Variants in NPFFR2 observed in about 807,000 individuals in gnomAD.
The protein encoded by NPFFR2 is neuropeptide FF receptor 2, also known as G-protein coupled receptor 74.
NPFFR2 carries 15 observed loss-of-function variants against 13.1 expected under a neutral mutation model. The ratio of observed to expected loss-of-function variants is 1.15; its 90% CI spans 0.77 to 1.76. The LOEUF (loss-of-function observed/expected upper bound fraction) is 1.76, where lower values mean the gene tolerates loss of function less well. Ranked by LOEUF, NPFFR2 falls within the 40% of genes most tolerant of loss-of-function variation. The pLI is 0.00. For missense variants in NPFFR2, 572 were observed against 503.5 expected (o/e 1.14, Z -1.30); for synonymous variants, 190 against 175.7 (o/e 1.08, Z -0.65).
At chr4:72,091,971 T>A (rs1578449302) in intron 1 of NPFFR2, among the ~76,000 whole-genome samples, 1 of 152,242 alleles carries the variant, frequency 6.6e-6, no homozygotes, top group Admixed American at 6.5e-5. Context: ...TGGAGGCATT[T>A]AATGGTATGA....
At chr4:72,083,692 T>G (rs1017913560) in intron 1 of NPFFR2, among the ~76,000 whole-genome samples, 1 of 152,146 alleles carries the variant, frequency 6.6e-6, no homozygotes, top group African/African-American at 2.4e-5. Flanking sequence ...TAGGTGATGT[T>G]TTCTGATTCC....
intron 1 of NPFFR2, among the ~76,000 whole-genome samples, chr4:72,070,475 A>G (rs575486784): frequency 8.8e-4 from 134 of 151,546 alleles, no homozygotes; most frequent in Non-Finnish European, 1.1e-3. Flanking sequence ...ACAAGTATCA[A>G]TAATACGGGT....
At chr4:72,116,209 G>A (rs1298401337) in intron 1 of NPFFR2, among the ~76,000 whole-genome samples, 1 of 151,898 alleles carries the variant, frequency 6.6e-6, no homozygotes, top group Non-Finnish European at 1.5e-5. Flanking sequence ...ATATGCTTGT[G>A]TATATATTTT....
At chr4:72,130,326 A>C (rs1722198115) in intron 2 of NPFFR2, among the ~76,000 whole-genome samples, 1 of 152,150 alleles carries the variant, frequency 6.6e-6, no homozygotes, top group Admixed American at 6.5e-5. Context: ...AGTCTGACAT[A>C]AGTAGAAATT....
intron 1 of NPFFR2, among the ~76,000 whole-genome samples, chr4:72,110,977 G>A (rs1050572646): frequency 1.3e-5 from 2 of 151,948 alleles, no homozygotes; most frequent in African/African-American, 4.8e-5. Flanking sequence ...GCCTAAGTAA[G>A]CTCTATTTAT....
chr4:72,042,755 A>T (rs1046362858), intron 1 of NPFFR2, among the ~76,000 whole-genome samples: 1 of 152,212 alleles, frequency 6.6e-6, no homozygotes, highest in Non-Finnish European at 1.5e-5. Flanking sequence ...AGAAATTTCT[A>T]TGTGGCAAAG....
In NPFFR2 at chr4:72,127,949, G is replaced by A. The variant is rs141972610; in HGVS notation, c.-7-636G>A. Among the ~76,000 whole-genome samples, 38 of 152,020 alleles carry A rather than the reference G, an allele frequency of 2.5e-4. 1 individual carries two copies. The highest frequency in any genetic ancestry group is 8.3e-4 in the South Asian group (4 of 4,810). The stretch of plus-strand genomic sequence containing the variant: ...ACAAAAATTAGCTGGTCATGATGGC[G>A]TGCACCTGTGGTCTCAGCTACTTGG... On this transcript the variant is annotated intron_variant, in intron 1 of 3. Coordinates refer to ENST00000308744, the MANE Select transcript of NPFFR2 (RefSeq NM_004885.3).
At chr4:72,062,061 G>T (rs1201953322) in intron 1 of NPFFR2, among the ~76,000 whole-genome samples, 2 of 135,540 alleles carry the variant, frequency 1.5e-5, no homozygotes, top group Non-Finnish European at 3.2e-5. Context: ...AATCTGTTTG[G>T]AACTCTTTGG....
At chr4:72,104,221 T>C (rs995898337) in intron 1 of NPFFR2, among the ~76,000 whole-genome samples, 2 of 152,084 alleles carry the variant, frequency 1.3e-5, no homozygotes, top group Non-Finnish European at 2.9e-5. Context: ...GAAGCTACCA[T>C]GATAATAAAA....
At chr4:72,079,683 G>A (rs990566937) in intron 1 of NPFFR2, among the ~76,000 whole-genome samples, 1 of 152,010 alleles carries the variant, frequency 6.6e-6, no homozygotes, top group Non-Finnish European at 1.5e-5. Flanking sequence ...CCATAGATAG[G>A]GGGACAGTAT....
intron 1 of NPFFR2, among the ~76,000 whole-genome samples, chr4:72,105,578 A>G (rs1322659874): frequency 2.6e-5 from 4 of 152,048 alleles, no homozygotes; most frequent in Non-Finnish European, 5.9e-5. Flanking sequence ...TTAATACAAA[A>G]AGGAGTGGAA....
chr4:72,097,352 C>T (rs192086703), intron 1 of NPFFR2, among the ~76,000 whole-genome samples: 138 of 152,050 alleles, frequency 9.1e-4, no homozygotes, highest in South Asian at 6.2e-3. Context: ...TATAGTTTTC[C>T]TCTGTCTTTC....
intron 3 of NPFFR2, among the ~76,000 whole-genome samples, chr4:72,142,166 A>C (rs1327615020): frequency 1.3e-5 from 2 of 151,918 alleles, no homozygotes; most frequent in African/African-American, 4.8e-5. Context: ...TGCATGTGAG[A>C]TGGGTCTCCT....
chr4:72,039,488 C>T (rs1405796822), intron 1 of NPFFR2: 1 of 587,364 alleles, frequency 1.7e-6, no homozygotes, highest in Non-Finnish European at 2.1e-6. Flanking sequence ...TATACACTCT[C>T]AAATCAATCT....
chr4:72,119,126 C>G (rs1271358307), intron 1 of NPFFR2, among the ~76,000 whole-genome samples: 1 of 152,036 alleles, frequency 6.6e-6, no homozygotes, highest in Non-Finnish European at 1.5e-5. Context: ...CTCTTCTATA[C>G]AATATATAAA....
Position 72,032,114 on chromosome 4 carries a change from C to T in NPFFR2, c.-94C>T, listed in dbSNP as rs61733658. The T allele has an allele frequency of 6.6e-4, 1,063 of 1,614,134 alleles. 1 individual carries two copies. The highest frequency in any genetic ancestry group is 8.3e-4 in the Non-Finnish European group (976 of 1,179,988). ...TGAGCCGGCAGACTGCGAAAAGTAG[C>T]TGGAGCCGGAGCAGGGACAGAACCT... On this transcript the variant is annotated 5_prime_UTR_variant, in exon 1 of 4. Coordinates refer to ENST00000308744, the MANE Select transcript of NPFFR2 (RefSeq NM_004885.3).
At chr4:72,043,495 G>C (rs1719290280) in intron 1 of NPFFR2, among the ~76,000 whole-genome samples, 1 of 152,234 alleles carries the variant, frequency 6.6e-6, no homozygotes, top group African/African-American at 2.4e-5. Context: ...GAAGCCACAG[G>C]GGTGGAGCTT....
chr4:72,140,331 G>A (rs952296686), intron 3 of NPFFR2, among the ~76,000 whole-genome samples: 4 of 152,160 alleles, frequency 2.6e-5, no homozygotes, highest in Admixed American at 2.6e-4. Context: ...ACCCTGACTT[G>A]TGCCAGTTTT....
intron 1 of NPFFR2, among the ~76,000 whole-genome samples, chr4:72,070,823 A>G (rs1720231499): frequency 6.6e-6 from 1 of 152,144 alleles, no homozygotes; most frequent in South Asian, 2.1e-4. Flanking sequence ...ATGCATAGCA[A>G]TAGGTTTAAT....
Sources: gnomAD v4.1 joint callset for allele counts (sites outside exome capture counted in the v4.1 genomes callset) on GRCh38, gnomAD v4.1.1 for gene constraint, MANE v1.5 for transcripts, NCBI Gene and HGNC (gene_info 2026-07-23, HGNC 2026-07-21) for gene names.